Variants in GHR observed in about 807,000 individuals in gnomAD.
GHR encodes the protein growth hormone receptor.
In GHR, 35 loss-of-function variants were observed where a neutral mutation model predicts 67.1. That is an observed-to-expected ratio of 0.52 (90% CI 0.40 to 0.69). The LOEUF (loss-of-function observed/expected upper bound fraction) is 0.69. Among genes scored for constraint, GHR ranks in the 30% least tolerant of loss-of-function variants. The probability of loss-of-function intolerance (pLI) is 0.00; values close to 1 mark genes in which losing one functional copy is unlikely to be tolerated. For synonymous variants in GHR, 272 were observed against 269.1 expected, an observed-to-expected ratio of 1.01 and a Z score of -0.10; for missense variants, 792 against 764.6, an observed-to-expected ratio of 1.04 and a Z score of -0.42.
Position 42,532,983 on chromosome 5 carries a change from T to C in GHR, c.-11-32881T>C, listed in dbSNP as rs144799783. 6.7e-3 allele frequency among the ~76,000 whole-genome samples: 1,020 copies of C among 152,266 alleles called. 52 individuals are homozygous for C. Among genetic ancestry groups the C allele is most frequent in the Admixed American group, 0.058 (886 of 15,264 alleles). ...TGTACTTGCTGTGTCTTAGGATATG[T>C]ACAATTGCATGTCTATTAGATATGC... On this transcript the variant is annotated intron_variant, in intron 1 of 9. Transcript: ENST00000230882.
intron 3 of GHR, among the ~76,000 whole-genome samples, chr5:42,672,287 T>A (rs772413219): frequency 5.9e-5 from 9 of 152,152 alleles, no homozygotes; most frequent in Non-Finnish European, 1.3e-4. Context: ...ATAAACAACT[T>A]CAGTAAAGTT....
chr5:42,456,937 A>G (rs1018536121), intron 1 of GHR, among the ~76,000 whole-genome samples: 42 of 152,144 alleles, frequency 2.8e-4, no homozygotes, highest in Non-Finnish European at 5.3e-4. Context: ...GCGGAAGAGG[A>G]CTTAATTCAT....
chr5:42,553,089 CTT>C (rs1355385572), intron 1 of GHR, among the ~76,000 whole-genome samples: 2 of 152,176 alleles, frequency 1.3e-5, no homozygotes, highest in African/African-American at 4.8e-5. Flanking sequence ...ATAATGGACT[CTT>C]AAAGGCTGTA....
chr5:42,592,547 C>T (rs9968669), intron 2 of GHR, among the ~76,000 whole-genome samples: 150,280 of 152,354 alleles, frequency 0.99, 74,193 homozygotes, highest in Non-Finnish European at 1. Flanking sequence ...TTAGTTTGCT[C>T]AGGATAATGG....
chr5:42,479,615 A>T (rs967339268), intron 1 of GHR, among the ~76,000 whole-genome samples: 7 of 152,126 alleles, frequency 4.6e-5, no homozygotes, highest in Non-Finnish European at 8.8e-5. Context: ...TAGTCTTGGG[A>T]GGATGTATGT....
intron 1 of GHR, among the ~76,000 whole-genome samples, chr5:42,442,803 A>G (rs1004420998): frequency 1.3e-5 from 2 of 152,248 alleles, no homozygotes; most frequent in Non-Finnish European, 2.9e-5. Flanking sequence ...ACAAACACAG[A>G]AAGAAGTTAG....
At chr5:42,579,854 A>T (rs936690281) in intron 2 of GHR, among the ~76,000 whole-genome samples, 1 of 152,116 alleles carries the variant, frequency 6.6e-6, no homozygotes, top group African/African-American at 2.4e-5. Context: ...ATTAACGTGG[A>T]ACATTCCACG....
At chr5:42,712,674 C>T (rs1758520911) in intron 7 of GHR, among the ~76,000 whole-genome samples, 1 of 151,924 alleles carries the variant, frequency 6.6e-6, no homozygotes, top group Non-Finnish European at 1.5e-5. Flanking sequence ...GCCTCTGCCT[C>T]TGTGGTAAGA....
chr5:42,664,731 A>G (rs1230175839), intron 3 of GHR, among the ~76,000 whole-genome samples: 2 of 152,236 alleles, frequency 1.3e-5, no homozygotes, highest in Admixed American at 6.5e-5. Flanking sequence ...AACAAAAGCA[A>G]AAATTGACAA....
At chr5:42,510,633 A>G (rs938349695) in intron 1 of GHR, among the ~76,000 whole-genome samples, 9 of 152,248 alleles carry the variant, frequency 5.9e-5, no homozygotes, top group Non-Finnish European at 8.8e-5. Context: ...GGGAGATAAC[A>G]GGAAGGCAGG....
chr5:42,622,580 T>C (rs1190612749), intron 2 of GHR, among the ~76,000 whole-genome samples: 2 of 152,150 alleles, frequency 1.3e-5, no homozygotes, highest in Admixed American at 1.3e-4. Context: ...GGCCCTAGAC[T>C]TGGTATATTT....
chr5:42,556,480 C>T (rs1673616879), intron 1 of GHR, among the ~76,000 whole-genome samples: 1 of 151,828 alleles, frequency 6.6e-6, no homozygotes, highest in African/African-American at 2.4e-5. Context: ...TATGATCTAT[C>T]ATAGTAATTT....
At chr5:42,575,953 G>A (rs1351485893) in intron 2 of GHR, among the ~76,000 whole-genome samples, 1 of 151,346 alleles carries the variant, frequency 6.6e-6, no homozygotes, top group Non-Finnish European at 1.5e-5. Flanking sequence ...GGAATTGCTT[G>A]AACCCAGGAG....
At chr5:42,684,471 C>T (rs1757040520) in intron 3 of GHR, among the ~76,000 whole-genome samples, 1 of 152,124 alleles carries the variant, frequency 6.6e-6, no homozygotes, top group Admixed American at 6.6e-5. Flanking sequence ...TGTAGAAGGA[C>T]CTAAAATAGT....
intron 3 of GHR, among the ~76,000 whole-genome samples, chr5:42,662,327 T>A (rs1755686332): frequency 1.3e-5 from 2 of 152,248 alleles, no homozygotes. Context: ...ACACCACACC[T>A]ATTCCAAAAT....
At chr5:42,646,087 A>G (rs913427864) in intron 3 of GHR, among the ~76,000 whole-genome samples, 7 of 152,190 alleles carry the variant, frequency 4.6e-5, no homozygotes, top group African/African-American at 1.4e-4. Context: ...CCACAATATT[A>G]TCTTCTATTC....
chr5:42,474,289 G>GAAAGAAAGAA (rs1422142604), intron 1 of GHR, among the ~76,000 whole-genome samples: 4 of 24,056 alleles, frequency 1.7e-4, no homozygotes, highest in South Asian at 2.9e-3. Context: ...GAAAGAAAAA[G>GAAAGAAAGAA]AGAAAGAGAA....
chr5:42,672,385 C>A (rs1047503876), intron 3 of GHR, among the ~76,000 whole-genome samples: 1 of 152,172 alleles, frequency 6.6e-6, no homozygotes, highest in South Asian at 2.1e-4. Flanking sequence ...GAATGTAATC[C>A]CATTTACAGT....
rs961681338 is a variant in GHR, at chr5:42,699,860, T to A, written c.476T>A (p.Leu159Ter). ...CCACCCATTGCCCTCAACTGGACTT[T>A]ACTGAACGTCAGTTTAACTGGGATT... ...PDPPIALNWT[L>*]LNVSLTGIHA... The change falls in exon 6 of 10, where the codon TTA (leucine) becomes TAA (stop). Residue 159 changes from leucine to a stop codon, truncating the protein, a stop_gained. Transcript: ENST00000230882. LOFTEE classifies it high-confidence loss of function. The A allele has an allele frequency of 1.2e-6, 2 of 1,611,746 alleles. No individual in the cohort carries two copies. Among genetic ancestry groups the A allele is most frequent in the Non-Finnish European group, 1.7e-6 (2 of 1,177,898 alleles).
Sources: allele counts gnomAD v4.1 joint callset (sites outside exome capture counted in the v4.1 genomes callset), GRCh38; gene constraint gnomAD v4.1.1; transcripts MANE v1.5; gene names NCBI Gene and HGNC (gene_info 2026-07-23, HGNC 2026-07-21).